Variants in TOP2B observed in about 807,000 individuals in gnomAD.
The protein encoded by TOP2B is DNA topoisomerase 2-beta.
A neutral mutation model predicts 193.5 loss-of-function variants in TOP2B; 51 were observed. The observed-to-expected ratio is 0.26, with a 90% CI of 0.21 to 0.33. The LOEUF is 0.33. TOP2B is among the 10% of genes least tolerant of loss of function. The probability of loss-of-function intolerance (pLI) is 1.00; values close to 1 mark genes in which losing one functional copy is unlikely to be tolerated. For missense variants in TOP2B, 1,378 were observed against 1,909.3 expected (o/e 0.72, Z 5.19); for synonymous variants, 634 against 635.7 (o/e 1.00, Z 0.04).
chr3:25,626,108 G>A (rs997487165), intron 18 of TOP2B, among the ~76,000 whole-genome samples: 1 of 151,946 alleles, frequency 6.6e-6, no homozygotes, highest in Non-Finnish European at 1.5e-5. Flanking sequence ...TTCAACTAAC[G>A]AGAAATAGTT....
chr3:25,648,049 T>C (rs1034461498), intron 1 of TOP2B, among the ~76,000 whole-genome samples: 1 of 151,956 alleles, frequency 6.6e-6, no homozygotes, highest in Non-Finnish European at 1.5e-5. Flanking sequence ...CAACAACAAC[T>C]TCCACCTTCT....
chr3:25,631,807 C>T (rs994450235), intron 10 of TOP2B, among the ~76,000 whole-genome samples: 5 of 152,022 alleles, frequency 3.3e-5, no homozygotes, highest in South Asian at 2.1e-4. Context: ...TTTCTACAGG[C>T]CTTAAGTTAG....
chr3:25,642,399 C>T lies in TOP2B; in HGVS notation c.332-14G>A. 2 of 1,515,090 alleles carry T rather than the reference C, an allele frequency of 1.3e-6. No individual in the cohort carries two copies. Among genetic ancestry groups the T allele is most frequent in the Non-Finnish European group, 9.0e-7 (1 of 1,116,870 alleles). 93.9% of individuals were successfully genotyped at this position (1,515,090 alleles called of 1,614,324 possible). On this transcript the variant is annotated splice_polypyrimidine_tract_variant and intron_variant, in intron 3 of 35. Transcript: ENST00000264331. ...CAGCAGCATTAACTACAAAATTAAACACCTCAATGAGTAATATACAAAATT... is the reference window on the plus strand; with the variant it reads ...CAGCAGCATTAACTACAAAATTAAATACCTCAATGAGTAATATACAAAATT...
At chr3:25,610,449 T>C (rs994070899) in intron 28 of TOP2B, among the ~76,000 whole-genome samples, 5 of 152,202 alleles carry the variant, frequency 3.3e-5, no homozygotes, top group African/African-American at 4.8e-5. Flanking sequence ...CTTTTCTGAC[T>C]GAGTTCTAAA....
chr3:25,618,635 T>C lies in TOP2B; in HGVS notation c.3259+19A>G, dbSNP rs545092047. ...TTCCATTTTAACTAATGTTCAAATT[T>C]TTAAAGGTTGTATCTTACCTATAGT... is the stretch of plus-strand genomic sequence containing the variant. On this transcript the variant is annotated intron_variant, in intron 24 of 35. Transcript: ENST00000264331. 3.2e-5 allele frequency: 51 copies of C among 1,575,210 alleles called. No homozygotes were observed. In the South Asian group the frequency reaches 5.4e-4, roughly 17 times the overall value.
intron 3 of TOP2B, among the ~76,000 whole-genome samples, chr3:25,643,491 A>G (rs1703321191): frequency 6.6e-6 from 1 of 152,222 alleles, no homozygotes; most frequent in Non-Finnish European, 1.5e-5. Context: ...TTCATAGATG[A>G]AGAAAATGAA....
chr3:25,623,498 A>G lies in TOP2B; in HGVS notation c.2727+17T>C. The G allele has an allele frequency of 6.3e-7, 1 of 1,599,306 alleles. No individual in the cohort carries two copies. The highest frequency in any genetic ancestry group is 1.7e-5 in the Admixed American group (1 of 59,494). On this transcript the variant is annotated intron_variant, in intron 21 of 35. Coordinates refer to ENST00000264331, the MANE Select transcript of TOP2B (RefSeq NM_001330700.2). ...CATTATCATTTGTTAAATAAATAAT[A>G]AGTTCCAAATAATTACCATGGGATG...
intron 33 of TOP2B, among the ~76,000 whole-genome samples, chr3:25,604,276 A>G (rs1273214213): frequency 6.6e-6 from 1 of 152,216 alleles, no homozygotes; most frequent in African/African-American, 2.4e-5. Context: ...ACCACGGTAC[A>G]TATATCTTGG....
chr3:25,632,789 T>C lies in TOP2B; in HGVS notation c.1032A>G (p.Gly344=), dbSNP rs747883596. ...GATCTACCACATAATCCACGTGCCG[T>C]CCACCCTAAAGAAAAAAAAATATAT... ...FVNSIATTKG[G]RHVDYVVDQV... Residue 344 remains glycine (G), a synonymous_variant, in exon 9 of 36, where the codon GGA becomes GGG. Transcript: ENST00000264331. 1 of 1,611,764 alleles carries C rather than the reference T, an allele frequency of 6.2e-7. No homozygotes were observed. The highest frequency in any genetic ancestry group is 1.7e-5 in the Admixed American group (1 of 59,772).
chr3:25,612,773 C>T, intron 27 of TOP2B, 64 bp from the exon 28 acceptor site: 1 of 1,219,428 alleles, frequency 8.2e-7, no homozygotes, highest in Non-Finnish European at 1.2e-6. Flanking sequence ...ATCACTACTT[C>T]ATAAAATACT....
chr3:25,598,893 A>C (rs1702007052), intron 35 of TOP2B, among the ~76,000 whole-genome samples: 1 of 152,184 alleles, frequency 6.6e-6, no homozygotes, highest in African/African-American at 2.4e-5. Flanking sequence ...AAAAAATGCA[A>C]AGCATCACCG....
chr3:25,662,470 A>C (rs994971975), intron 1 of TOP2B, among the ~76,000 whole-genome samples: 6 of 152,252 alleles, frequency 3.9e-5, no homozygotes, highest in African/African-American at 1.4e-4. Flanking sequence ...ATACTCTATA[A>C]ATAAAACACT....
At chr3:25,607,108 T>C (rs1559491856) in intron 31 of TOP2B, 63 bp downstream of exon 31, 1 of 1,574,506 alleles carries the variant, frequency 6.4e-7, no homozygotes. Flanking sequence ...GAGCTCACTA[T>C]AATATCTTTG....
intron 18 of TOP2B, 75 bp downstream of exon 18, chr3:25,626,485 A>C: frequency 2.5e-6 from 2 of 813,358 alleles, no homozygotes; most frequent in East Asian, 6.0e-5. Context: ...TATGTATCAT[A>C]AGGATGGCTT....
intron 6 of TOP2B, 59 bp downstream of exon 6, chr3:25,637,156 T>A: frequency 7.5e-7 from 1 of 1,336,956 alleles, no homozygotes; most frequent in East Asian, 2.5e-5. Flanking sequence ...GGTTCTACTA[T>A]CTCGGCAAGA....
intron 30 of TOP2B, among the ~76,000 whole-genome samples, chr3:25,607,799 GAC>G (rs1440517013): frequency 6.6e-6 from 1 of 151,916 alleles, no homozygotes; most frequent in African/African-American, 2.4e-5. Flanking sequence ...TTGTTTTTTT[GAC>G]ACAGAGTCTT....
At chr3:25,651,016 A>T (rs1200024680) in intron 1 of TOP2B, among the ~76,000 whole-genome samples, 1 of 152,198 alleles carries the variant, frequency 6.6e-6, no homozygotes, top group Non-Finnish European at 1.5e-5. Flanking sequence ...CAGACACGTT[A>T]TAACAAGTTA....
intron 23 of TOP2B, 118 bp downstream of exon 23, chr3:25,619,738 GAAAAAA>G (rs375797612): frequency 2.9e-5 from 15 of 523,738 alleles, no homozygotes; most frequent in Middle Eastern, 5.0e-4. Context: ...TGCAGGATGG[GAAAAAA>G]AAAAAAAAAA....
chr3:25,608,511 A>C (rs1243944900), intron 30 of TOP2B, among the ~76,000 whole-genome samples: 1 of 152,186 alleles, frequency 6.6e-6, no homozygotes, highest in East Asian at 1.9e-4. Flanking sequence ...GAACCAAAGA[A>C]TTTAAGGTCT....
Sources: allele counts gnomAD v4.1 joint callset (sites outside exome capture counted in the v4.1 genomes callset), GRCh38; gene constraint gnomAD v4.1.1; transcripts MANE v1.5; gene names NCBI Gene and HGNC (gene_info 2026-07-23, HGNC 2026-07-21).